Variants in ALOX15B observed in about 807,000 individuals in gnomAD.
The protein encoded by ALOX15B is arachidonate 15-lipoxygenase type B, also known as polyunsaturated fatty acid lipoxygenase ALOX15B.
Under a neutral mutation model 73.8 loss-of-function variants are expected in ALOX15B, and 74 were observed. The ratio of observed to expected loss-of-function variants is 1.00; its 90% CI spans 0.83 to 1.22. The LOEUF is 1.22. ALOX15B is among the 50% of genes most tolerant of loss of function. ALOX15B has a pLI of 0.00. For synonymous variants in ALOX15B, 353 were observed against 357.2 expected, an observed-to-expected ratio of 0.99 and a Z score of 0.13; for missense variants, 896 against 859.9, an observed-to-expected ratio of 1.04 and a Z score of -0.52.
At chr17:8,045,175 T>C in intron 6 of ALOX15B, 63 bp from the exon 7 acceptor site, 5 of 1,611,124 alleles carry the variant, frequency 3.1e-6, no homozygotes, top group Non-Finnish European at 4.2e-6. Context: ...CTCTCCCTTC[T>C]ACAACTGCAC....
rs753001193 is a variant in ALOX15B, at chr17:8,047,000, C to T, written c.1381C>T (p.Arg461Trp). The T allele has an allele frequency of 2.8e-5, 45 of 1,613,958 alleles. 1 individual carries two copies. Among genetic ancestry groups the T allele is most frequent in the Admixed American group, 2.3e-4 (14 of 60,006 alleles). ...YSLLCLPEDI[R>W]TRGVEDIPGY... ...TCTCCTGTGTCTGCCTGAGGATATC[C>T]GGACCCGAGGAGTTGAAGACATCCC... Residue 461 changes from arginine to tryptophan, a missense_variant, in exon 10 of 14, where the codon CGG becomes TGG. By Grantham distance (101) the Arg-to-Trp change is moderately radical. Transcript: ENST00000380183.
At position 8,048,618 on chromosome 17, in the gene ALOX15B, G is replaced by A; in HGVS notation, c.*53G>A. The A allele has an allele frequency of 6.4e-7, 1 of 1,553,650 alleles. No homozygotes were observed. Among genetic ancestry groups the A allele is most frequent in the South Asian group, 1.2e-5 (1 of 83,884 alleles). On this transcript the variant is annotated 3_prime_UTR_variant, in exon 14 of 14. Transcript: ENST00000380183. ...CATCCCTTTGACCACATCGCTCTAGGATAACTGGCACCCAGAGAAAAGGAC... is the reference window on the plus strand; with the variant it reads ...CATCCCTTTGACCACATCGCTCTAGAATAACTGGCACCCAGAGAAAAGGAC...
intron 6 of ALOX15B, 103 bp from the exon 7 acceptor site, chr17:8,045,135 C>A: frequency 1.9e-6 from 3 of 1,593,040 alleles, no homozygotes; most frequent in South Asian, 1.1e-5. Context: ...CACACTCTCC[C>A]GAAACACACT....
At chr17:8,045,721 C>T (rs1976591488) in intron 8 of ALOX15B, 35 bp downstream of exon 8, 1 of 1,604,942 alleles carries the variant, frequency 6.2e-7, no homozygotes, top group African/African-American at 1.3e-5. Context: ...AGCCTGTGCC[C>T]ATGCCTCTGT....
At chr17:8,042,017 A>T (rs1318990251) in intron 3 of ALOX15B, among the ~76,000 whole-genome samples, 1 of 152,236 alleles carries the variant, frequency 6.6e-6, no homozygotes, top group Non-Finnish European at 1.5e-5. Flanking sequence ...GAAAATGGCC[A>T]TAACTAACAG....
chr17:8,040,008 G>C (rs201995447), intron 3 of ALOX15B, 25 bp downstream of exon 3: 3 of 1,609,104 alleles, frequency 1.9e-6, no homozygotes, highest in African/African-American at 1.3e-5. Flanking sequence ...ACTGATGGGG[G>C]AGGGTGTGCC....
chr17:8,042,439 A>G lies in ALOX15B; in HGVS notation c.520A>G (p.Ile174Val), dbSNP rs867293338. 8 of 1,613,932 alleles carry G rather than the reference A, an allele frequency of 5.0e-6. No individual in the cohort carries two copies. The highest frequency in any genetic ancestry group is 3.3e-4 in the Middle Eastern group (2 of 5,976). ...GACAGTGGAAGACTTGGAGCTCAAT[A>G]TCAAATACTCCACAGCCAAGAATGC... is the stretch of plus-strand genomic sequence containing the variant. ...EKTVEDLELN[I>V]KYSTAKNANF... The change falls in exon 4 of 14, where the codon ATC becomes GTC. Residue 174 changes from isoleucine (I) to valine (V), a missense_variant. By Grantham distance (29) the Ile-to-Val change is conservative. Coordinates refer to ENST00000380183, the MANE Select transcript of ALOX15B (RefSeq NM_001141.3).
Position 8,047,600 on chromosome 17 carries a change from T to A in ALOX15B, c.1616T>A (p.Val539Glu). 1.2e-6 allele frequency: 2 copies of A among 1,610,106 alleles called. No individual in the cohort carries two copies. The highest frequency in any genetic ancestry group is 1.7e-6 in the Non-Finnish European group (2 of 1,178,166). Residue 539 changes from valine (V) to glutamate (E), a missense_variant, in exon 12 of 14, where the codon GTG (valine) becomes GAG (glutamate). Val to Glu is a moderately radical substitution (Grantham distance 121). Transcript: ENST00000380183. Reference sequence around the variant, plus strand: ...TCACTGGAGACCCGGGAAGCCCTGGTGCAGTATGTCACCATGGTGATATTC... The same window carrying A: ...TCACTGGAGACCCGGGAAGCCCTGGAGCAGTATGTCACCATGGTGATATTC... ...PSSLETREAL[V>E]QYVTMVIFTC...
chr17:8,041,867 C>A (rs1976472774), intron 3 of ALOX15B, among the ~76,000 whole-genome samples: 6 of 152,222 alleles, frequency 3.9e-5, no homozygotes, highest in Admixed American at 3.9e-4. Flanking sequence ...AGTCTCGCCT[C>A]TACAAGATGC....
rs146813828 is a variant in ALOX15B at position 8,043,779 on chromosome 17, C to G, written c.676+895C>G. Among the ~76,000 whole-genome samples the G allele has an allele frequency of 1.9e-3, 284 of 152,190 alleles. 2 individuals are homozygous for G. The highest frequency in any genetic ancestry group is 6.4e-3 in the African/African-American group (266 of 41,524). On this transcript the variant is annotated intron_variant, in intron 5 of 13. Coordinates refer to ENST00000380183, the MANE Select transcript of ALOX15B (RefSeq NM_001141.3). ...GAGGGGTACTGCCAAGAGAGGTCCC[C>G]AGGCTCCGGCTGGGCGCAGTGGCTC...
At chr17:8,040,090 T>C in intron 3 of ALOX15B, 107 bp downstream of exon 3, 1 of 1,052,736 alleles carries the variant, frequency 9.5e-7, no homozygotes, top group Non-Finnish European at 1.4e-6. Context: ...ACCTCTCCTA[T>C]CAAAGCTGCT....
intron 5 of ALOX15B, 40 bp downstream of exon 5, chr17:8,042,924 G>A (rs1273467735): frequency 6.7e-7 from 1 of 1,491,318 alleles, no homozygotes; most frequent in Non-Finnish European, 9.2e-7. Context: ...TCTTTCCTGG[G>A]GCATCAGCTC....
rs138396830 is a variant in ALOX15B at position 8,047,934 on chromosome 17, G to A, written c.1851+19G>A. 9.3e-5 allele frequency: 150 copies of A among 1,611,976 alleles called. No individual in the cohort carries two copies. Among genetic ancestry groups the A allele is most frequent in the South Asian group, 6.7e-4 (61 of 90,764 alleles). On this transcript the variant is annotated intron_variant, in intron 13 of 13. Transcript: ENST00000380183. ...AGACCAAGTGAGTGTGGGGCTGGGG[G>A]CCAGGCTGGGCCAAATTGGGGTAAG... is the stretch of plus-strand genomic sequence containing the variant.
Position 8,048,483 on chromosome 17 carries a change from G to A in ALOX15B, c.1949G>A (p.Gly650Asp), listed in dbSNP as rs200606322. 4.7e-5 allele frequency: 76 copies of A among 1,614,130 alleles called. 1 individual carries two copies. Among genetic ancestry groups the A allele is most frequent in the Non-Finnish European group, 9.3e-6 (11 of 1,180,022 alleles). ...FQSRLAQISRGIQERNQGLVL... is the reference protein window; with the variant it reads ...FQSRLAQISRDIQERNQGLVL... ...AGCCGCCTGGCCCAGATCTCGAGGG[G>A]CATCCAGGAGCGGAACCAGGGCCTG... Residue 650 changes from glycine to aspartate, a missense_variant, in exon 14 of 14, where the codon GGC (glycine) becomes GAC (aspartate). By Grantham distance (94) the Gly-to-Asp change is moderately conservative. Coordinates refer to ENST00000380183, the MANE Select transcript of ALOX15B (RefSeq NM_001141.3).
At chr17:8,039,340 GGC>G (rs1206247902) in intron 1 of ALOX15B, 38 bp downstream of exon 1, 5 of 1,591,396 alleles carry the variant, frequency 3.1e-6, no homozygotes, top group Admixed American at 1.7e-5. Context: ...AGGTGAAGGG[GGC>G]GAGCAGGAGG....
At chr17:8,048,338 T>C (rs1460224174) in intron 13 of ALOX15B, 48 bp from the exon 14 acceptor site, 1 of 1,573,846 alleles carries the variant, frequency 6.4e-7, no homozygotes, top group East Asian at 2.2e-5. Flanking sequence ...GAGTCTGGGA[T>C]GCAGGACCTC....
chr17:8,041,814 C>T (rs1427603134), intron 3 of ALOX15B, among the ~76,000 whole-genome samples: 2 of 152,216 alleles, frequency 1.3e-5, no homozygotes, highest in African/African-American at 2.4e-5. Flanking sequence ...GGGACACCTA[C>T]CAAAGGCAAC....
rs200287024 is a variant in ALOX15B, at chr17:8,048,372, T to C, written c.1852-14T>C. 4.1e-5 allele frequency: 66 copies of C among 1,607,014 alleles called. No homozygotes were observed. In the East Asian group the frequency reaches 1.4e-3, roughly 34 times the overall value. On this transcript the variant is annotated splice_polypyrimidine_tract_variant and intron_variant, in intron 13 of 13. Coordinates refer to ENST00000380183, the MANE Select transcript of ALOX15B (RefSeq NM_001141.3). ...TCAGCAGCCGCCTCACCCAACCTTG[T>C]GGTGGATCCTCAGAGGCCCCTGGGC... is the stretch of plus-strand genomic sequence containing the variant.
Position 8,047,207 on chromosome 17 carries a change from C to T in ALOX15B, c.1458-51C>T, listed in dbSNP as rs1976633684. 3.7e-6 allele frequency: 6 copies of T among 1,611,940 alleles called. No homozygotes were observed. In the Admixed American group the frequency reaches 6.7e-5, roughly 18 times the overall value. Reference sequence around the variant, plus strand: ...TTCATGATGCTAAGCAGAGGCATTCCTCAGAGCGGGTCGGGGTTGGAGGCT... The same window carrying T: ...TTCATGATGCTAAGCAGAGGCATTCTTCAGAGCGGGTCGGGGTTGGAGGCT... On this transcript the variant is annotated intron_variant, in intron 10 of 13. Coordinates refer to ENST00000380183, the MANE Select transcript of ALOX15B (RefSeq NM_001141.3).
Sources: gnomAD v4.1 joint callset for allele counts (sites outside exome capture counted in the v4.1 genomes callset) on GRCh38, gnomAD v4.1.1 for gene constraint, MANE v1.5 for transcripts, NCBI Gene and HGNC (gene_info 2026-07-23, HGNC 2026-07-21) for gene names.